Variants in KHDRBS2 observed in about 807,000 individuals in gnomAD.
KHDRBS2 encodes the protein KH domain-containing, RNA-binding, signal transduction-associated protein 2.
In KHDRBS2, 26 loss-of-function variants were observed where a neutral mutation model predicts 44.3. That is an observed-to-expected ratio of 0.59 (90% CI 0.43 to 0.81). KHDRBS2 has a LOEUF of 0.81. KHDRBS2 is among the 40% of genes least tolerant of loss of function. The probability of loss-of-function intolerance (pLI) is 0.00; values close to 1 mark genes in which losing one functional copy is unlikely to be tolerated. For missense variants in KHDRBS2, 476 were observed against 433.1 expected (o/e 1.10, Z -0.88); for synonymous variants, 194 against 151.1 (o/e 1.28, Z -2.08).
the KHDRBS2 span, among the ~76,000 whole-genome samples, chr6:61,588,202 T>C: frequency 4.6e-5 from 7 of 152,268 alleles, no homozygotes; most frequent in Admixed American, 4.6e-4. Flanking sequence ...CTACTGCTTG[T>C]TCACTTTGTA....
At chr6:62,218,392 A>T (rs1190923022) in intron 1 of KHDRBS2, among the ~76,000 whole-genome samples, 1 of 151,922 alleles carries the variant, frequency 6.6e-6, no homozygotes, top group African/African-American at 2.4e-5. Flanking sequence ...AACAATCTGC[A>T]GCACACAATG....
the KHDRBS2 span, among the ~76,000 whole-genome samples, chr6:61,573,775 G>T: frequency 4.2e-5 from 6 of 142,962 alleles, no homozygotes; most frequent in Non-Finnish European, 7.5e-5. Flanking sequence ...GGCAACAAGA[G>T]CGAAACTCTG....
At chr6:62,050,433 A>G (rs1788744693) in intron 2 of KHDRBS2, among the ~76,000 whole-genome samples, 1 of 151,308 alleles carries the variant, frequency 6.6e-6, no homozygotes. Flanking sequence ...TAAAGTTAAA[A>G]AAAAAAAAGG....
chr6:62,259,929 T>G (rs577235748), intron 1 of KHDRBS2, among the ~76,000 whole-genome samples: 1 of 152,168 alleles, frequency 6.6e-6, no homozygotes, highest in Non-Finnish European at 1.5e-5. Context: ...AGTCTAATTT[T>G]CAAGGCAGTT....
chr6:61,954,692 A>G (rs1333354548), intron 4 of KHDRBS2, among the ~76,000 whole-genome samples: 1 of 122,890 alleles, frequency 8.1e-6, no homozygotes, highest in Non-Finnish European at 1.8e-5. Flanking sequence ...ACTTATGTAT[A>G]CATACATATG....
At chr6:61,937,812 A>T (rs11965651) in intron 4 of KHDRBS2, among the ~76,000 whole-genome samples, 1 of 152,074 alleles carries the variant, frequency 6.6e-6, no homozygotes, top group African/African-American at 2.4e-5. Flanking sequence ...TTTAAGGCTT[A>T]TATAGGGACA....
chr6:62,119,621 G>A lies in KHDRBS2; in HGVS notation c.219+57564C>T, dbSNP rs528212134. ...ACCCTGCATCTTGGAATGGGGAAATGTGGGAGGACCCTGATGAAGCTGGGG... is the reference window on the plus strand; with the variant it reads ...ACCCTGCATCTTGGAATGGGGAAATATGGGAGGACCCTGATGAAGCTGGGG... On this transcript the variant is annotated intron_variant, in intron 2 of 8. Coordinates refer to ENST00000281156, the MANE Select transcript of KHDRBS2 (RefSeq NM_152688.4). Among the ~76,000 whole-genome samples, 208 of 152,308 alleles carry A rather than the reference G, an allele frequency of 1.4e-3. 1 individual carries two copies. The highest frequency in any genetic ancestry group is 4.8e-3 in the African/African-American group (200 of 41,580).
At chr6:61,751,290 A>G (rs1777651084) in intron 6 of KHDRBS2, among the ~76,000 whole-genome samples, 1 of 152,206 alleles carries the variant, frequency 6.6e-6, no homozygotes, top group Non-Finnish European at 1.5e-5. Context: ...TGATTCCTAC[A>G]TAAGGGATAA....
chr6:62,211,956 C>T (rs1585225414), intron 1 of KHDRBS2, among the ~76,000 whole-genome samples: 1 of 152,124 alleles, frequency 6.6e-6, no homozygotes, highest in African/African-American at 2.4e-5. Flanking sequence ...TACATATACA[C>T]AATGGAATAC....
At position 62,028,705 on chromosome 6, in the gene KHDRBS2, GTGTGTGAACTATCA is replaced by G. The variant is rs74271488; in HGVS notation, c.336+19159_336+19172del. On this transcript the variant is annotated intron_variant, in intron 3 of 8. Coordinates refer to ENST00000281156, the MANE Select transcript of KHDRBS2 (RefSeq NM_152688.4). Reference sequence around the variant, plus strand: ...AACATGTTTGTTTGCATGTGGATATGTGTGTGAACTATCACAACTAGCAAAACTCATTGGCAATT... The same window carrying G: ...AACATGTTTGTTTGCATGTGGATATGCAACTAGCAAAACTCATTGGCAATT... Among the ~76,000 whole-genome samples the G allele has an allele frequency of 5.9e-3, 905 of 152,142 alleles. 7 individuals carry two copies. Among genetic ancestry groups the G allele is most frequent in the Non-Finnish European group, 9.5e-3 (646 of 67,986 alleles).
chr6:61,738,939 C>T (rs185135672), intron 6 of KHDRBS2, among the ~76,000 whole-genome samples: 129 of 151,940 alleles, frequency 8.5e-4, no homozygotes, highest in African/African-American at 3.1e-3. Context: ...AGAGAAGATT[C>T]AGACATAAGT....
intron 4 of KHDRBS2, among the ~76,000 whole-genome samples, chr6:61,977,544 C>T (rs1444131823): frequency 1.3e-5 from 2 of 152,080 alleles, no homozygotes; most frequent in South Asian, 2.1e-4. Context: ...TCTGGCTTTA[C>T]TAATATTGAT....
At chr6:61,971,230 CAAT>C (rs1771341194) in intron 4 of KHDRBS2, among the ~76,000 whole-genome samples, 1 of 152,068 alleles carries the variant, frequency 6.6e-6, no homozygotes, top group African/African-American at 2.4e-5. Flanking sequence ...AAGGGAACAA[CAAT>C]AACAACAAAA....
At chr6:62,092,997 G>T (rs1442431766) in intron 2 of KHDRBS2, among the ~76,000 whole-genome samples, 2 of 151,888 alleles carry the variant, frequency 1.3e-5, no homozygotes, top group Non-Finnish European at 2.9e-5. Flanking sequence ...ATTTAATACT[G>T]GGAAATCAAT....
intron 1 of KHDRBS2, among the ~76,000 whole-genome samples, chr6:62,219,959 T>A (rs1195401799): frequency 1.4e-5 from 2 of 148,100 alleles, no homozygotes; most frequent in Non-Finnish European, 3.0e-5. Context: ...TAACTGTATA[T>A]ACTATCTGAA....
chr6:61,770,822 G>C (rs1218059118), intron 6 of KHDRBS2, among the ~76,000 whole-genome samples: 2 of 152,064 alleles, frequency 1.3e-5, no homozygotes, highest in Non-Finnish European at 2.9e-5. Context: ...TTCAAATTCA[G>C]GAAATACAGA....
chr6:62,069,293 T>C (rs1416358964), intron 2 of KHDRBS2, among the ~76,000 whole-genome samples: 2 of 151,800 alleles, frequency 1.3e-5, no homozygotes, highest in Non-Finnish European at 3.0e-5. Flanking sequence ...AAAGAAAATG[T>C]TACTATGAAA....
At chr6:61,746,465 T>C (rs1285917805) in intron 6 of KHDRBS2, among the ~76,000 whole-genome samples, 1 of 124,648 alleles carries the variant, frequency 8.0e-6, no homozygotes, top group African/African-American at 2.7e-5. Context: ...GCTTCATCCA[T>C]GTCCCTGCAA....
intron 7 of KHDRBS2, among the ~76,000 whole-genome samples, chr6:61,720,999 C>T (rs1009272585): frequency 4.0e-5 from 6 of 151,252 alleles, no homozygotes; most frequent in African/African-American, 1.5e-4. Flanking sequence ...CTACATATGG[C>T]TAGCCAGTTT....
Sources: gnomAD v4.1 joint callset for allele counts (sites outside exome capture counted in the v4.1 genomes callset) on GRCh38, gnomAD v4.1.1 for gene constraint, MANE v1.5 for transcripts, NCBI Gene and HGNC (gene_info 2026-07-23, HGNC 2026-07-21) for gene names.